Variants in RPUSD3 observed in about 807,000 individuals in gnomAD.
RPUSD3 encodes the protein mitochondrial mRNA pseudouridine synthase RPUSD3.
RPUSD3 carries 36 observed loss-of-function variants against 35.1 expected under a neutral mutation model. The observed-to-expected ratio is 1.02, with a 90% CI of 0.79 to 1.35. The LOEUF is 1.35. RPUSD3 is among the 40% of genes most tolerant of loss of function. The pLI is 0.00. For synonymous variants in RPUSD3, 202 were observed against 187.8 expected (o/e 1.08, Z -0.62); for missense variants, 486 against 441.9 (o/e 1.10, Z -0.89).
In RPUSD3 at chr3:9,843,877, GGTA is replaced by G. The variant is rs1559237616; in HGVS notation, c.125+10_125+12del. ...AGCCTCCGTCCCGCATGAGAGAGGG[GGTA>G]CTTAATCACCGGGCTTCGGTGCCAA... On this transcript the variant is annotated intron_variant, in intron 1 of 8. Coordinates refer to ENST00000383820, the Ensembl canonical transcript of RPUSD3. 4 of 1,599,052 alleles carry G rather than the reference GGTA, an allele frequency of 2.5e-6. No homozygotes were observed. The Admixed American group carries it at 5.2e-5, about 21-fold the overall frequency.
intron 6 of RPUSD3, 26 bp downstream of exon 6, chr3:9,840,506 C>CCT (rs1272784413): frequency 6.2e-7 from 1 of 1,611,598 alleles, no homozygotes; most frequent in African/African-American, 1.3e-5. Flanking sequence ...TAGAAGCACC[C>CCT]CTCCTCTTCC....
In RPUSD3 at chr3:9,841,989, G is replaced by C. The variant is rs371024428; in HGVS notation, c.401C>G (p.Ser134Cys). 50 of 1,613,858 alleles carry C rather than the reference G, an allele frequency of 3.1e-5. No individual in the cohort carries two copies. The highest frequency in any genetic ancestry group is 3.7e-5 in the Non-Finnish European group (44 of 1,179,914). The change falls in exon 4 of 9, where the codon TCT (serine) becomes TGT (cysteine). Residue 134 changes from serine to cysteine, a missense_variant. Ser to Cys is a moderately radical substitution (Grantham distance 112). Coordinates refer to ENST00000383820, the Ensembl canonical transcript of RPUSD3. ...TGTCACCCCTACCACTTACTTCCCA[G>C]ATGCTCGGACAACCTGAAGCTCCTG...
chr3:9,842,310 T>A, intron 2 of RPUSD3, 67 bp from the exon 3 acceptor site: 1 of 1,483,504 alleles, frequency 6.7e-7, no homozygotes, highest in Non-Finnish European at 9.4e-7. Context: ...CTAAAGAGTT[T>A]CCAGAGCACT....
chr3:9,843,544 G>C (rs760385514), exon 2 of RPUSD3: 30 of 1,613,772 alleles, frequency 1.9e-5, no homozygotes, highest in Non-Finnish European at 2.5e-5. Flanking sequence ...GCCCCGCGAA[G>C]GGCTGGTCCC....
chr3:9,837,991 G>A (rs2082045318), exon 9 of RPUSD3: 1 of 1,538,494 alleles, frequency 6.5e-7, no homozygotes. Flanking sequence ...CAGTGTGTGT[G>A]AGGGGGTCAG....
chr3:9,838,986 T>TCTCCCTCCACCC, intron 8 of RPUSD3, 46 bp downstream of exon 8: 1 of 1,613,264 alleles, frequency 6.2e-7, no homozygotes, highest in Non-Finnish European at 8.5e-7. Flanking sequence ...CATGCTCACC[T>TCTCCCTCCACCC]CTCCCTCCAC....
Position 9,843,445 on chromosome 3 carries a change from C to T in RPUSD3, c.262+20G>A, listed in dbSNP as rs200471039. 2.1e-3 allele frequency: 3,367 copies of T among 1,613,120 alleles called. 7 individuals carry two copies. Among genetic ancestry groups the T allele is most frequent in the Non-Finnish European group, 2.7e-3 (3,193 of 1,179,442 alleles). ...CAGTCCCCTCCCGGTCCTTGTGCGGCCGTGCCTCTCACCCCTCACCTTTCC... is the reference window on the plus strand; with the variant it reads ...CAGTCCCCTCCCGGTCCTTGTGCGGTCGTGCCTCTCACCCCTCACCTTTCC... On this transcript the variant is annotated intron_variant, in intron 2 of 8. Transcript: ENST00000383820.
At chr3:9,839,980 A>G (rs2082079314) in intron 7 of RPUSD3, 2 of 518,244 alleles carry the variant, frequency 3.9e-6, no homozygotes, top group Admixed American at 3.5e-5. Flanking sequence ...TCCCAGGTTC[A>G]AGCGATTCTC....
Position 9,839,190 on chromosome 3 carries a change from A to G in RPUSD3, c.725-19T>C, listed in dbSNP as rs756865841. ...GAGAACACTGGGCAACAGGAAAGCC[A>G]GGAGAGACAGTGGGCAGCTACTCGT... On this transcript the variant is annotated intron_variant, in intron 7 of 8. Coordinates refer to ENST00000383820, the Ensembl canonical transcript of RPUSD3. The G allele has an allele frequency of 1.6e-5, 25 of 1,597,434 alleles. No individual in the cohort carries two copies. The highest frequency in any genetic ancestry group is 2.1e-5 in the Non-Finnish European group (24 of 1,167,476).
At chr3:9,840,349 G>C in intron 6 of RPUSD3, 42 bp from the exon 7 acceptor site, 1 of 1,614,118 alleles carries the variant, frequency 6.2e-7, no homozygotes, top group Non-Finnish European at 8.5e-7. Context: ...ACACAGGTCT[G>C]GGAGCTATAC....
rs1216368941 is a variant in RPUSD3, at chr3:9,843,912, C to T, written c.103G>A (p.Ala35Thr). ...CACCGGGCTTCGGTGCCAAAGCCTG[C>T]GTCCTCGGGCACTGGGCGGACACCC... is the stretch of plus-strand genomic sequence containing the variant. The change falls in exon 1 of 9, where the codon GCA becomes ACA. Residue 35 changes from alanine to threonine, a missense_variant. Transcript: ENST00000383820. The T allele has an allele frequency of 1.9e-6, 3 of 1,605,024 alleles. No individual in the cohort carries two copies. In the African/African-American group the frequency reaches 4.0e-5, roughly 21 times the overall value.
exon 6 of RPUSD3, chr3:9,840,547 A>T: frequency 6.2e-7 from 1 of 1,613,990 alleles, no homozygotes; most frequent in Non-Finnish European, 8.5e-7. Flanking sequence ...TGACCCCATC[A>T]ATGTGTTCCA....
At chr3:9,843,794 G>A in intron 1 of RPUSD3, 96 bp downstream of exon 1, 1 of 1,548,402 alleles carries the variant, frequency 6.5e-7, no homozygotes, top group Non-Finnish European at 8.7e-7. Context: ...GGCCAACGGG[G>A]CTGTTTTCGG....
In RPUSD3 at chr3:9,842,459, G is replaced by T. The variant is rs957632834; in HGVS notation, c.263-216C>A. The T allele has an allele frequency of 2.0e-5, 12 of 602,932 alleles. No individual in the cohort carries two copies. The Admixed American group carries it at 2.7e-4, about 14-fold the overall frequency. The allele number at this position is 602,932 out of a possible 1,614,324, so 37.3% of individuals were successfully genotyped here. A position where few individuals can be genotyped will look rare whatever the true frequency, so the allele number is the denominator to read the frequency against. ...CTGTTTCCTGTCCCCAAATTTCCCA[G>T]GTCTGGCTCCCTATCATCTTGGCTC... On this transcript the variant is annotated intron_variant, in intron 2 of 8. Transcript: ENST00000383820.
At chr3:9,838,876 G>A (rs2082061799) in intron 8 of RPUSD3, 156 bp downstream of exon 8, 2 of 904,434 alleles carry the variant, frequency 2.2e-6, no homozygotes, top group African/African-American at 3.3e-5. Flanking sequence ...ACTTGCCCAA[G>A]GCCACACACC....
At chr3:9,839,213 C>A in intron 7 of RPUSD3, 42 bp from the exon 8 acceptor site, 1 of 1,585,224 alleles carries the variant, frequency 6.3e-7, no homozygotes, top group Non-Finnish European at 8.6e-7. Flanking sequence ...GGCAGCTACT[C>A]GTTCTGTGCC....
intron 8 of RPUSD3, 103 bp downstream of exon 8, chr3:9,838,929 C>A (rs895515871): frequency 7.5e-5 from 114 of 1,524,676 alleles, no homozygotes; most frequent in Middle Eastern, 2.2e-4. Context: ...AAAAGGGCTG[C>A]CTCCCAGTAG....
At position 9,838,008 on chromosome 3, in the gene RPUSD3, A is replaced by C. The variant is rs1183562170; in HGVS notation, c.*8T>G. ...GTGTGTGTGAGGGGGTCAGGAACAG[A>C]GGGAGGACTATTGTAAGCGGAGCCC... On this transcript the variant is annotated 3_prime_UTR_variant, in exon 9 of 9. Coordinates refer to ENST00000383820, the Ensembl canonical transcript of RPUSD3. The C allele has an allele frequency of 3.2e-6, 5 of 1,553,688 alleles. No homozygotes were observed. The African/African-American group carries it at 5.4e-5, about 17-fold the overall frequency.
chr3:9,838,250 A>G (rs746177803), intron 8 of RPUSD3, 43 bp from the exon 9 acceptor site: 2 of 1,601,686 alleles, frequency 1.2e-6, no homozygotes, highest in Non-Finnish European at 1.7e-6. Context: ...CACATTTTCC[A>G]AGCAGCTGAG....
Sources: allele counts gnomAD v4.1 joint callset, GRCh38; gene constraint gnomAD v4.1.1; transcripts MANE v1.5; gene names NCBI Gene and HGNC (gene_info 2026-07-23, HGNC 2026-07-21).